Variants in PCM1 observed in about 807,000 individuals in gnomAD.
PCM1 encodes the protein pericentriolar material 1.
Under a neutral mutation model 241.9 loss-of-function variants are expected in PCM1, and 157 were observed. The observed-to-expected ratio is 0.65, with a 90% CI of 0.57 to 0.74. PCM1 has a LOEUF of 0.74. Ranked by LOEUF, PCM1 falls within the 30% of genes least tolerant of loss-of-function variation. The probability of loss-of-function intolerance (pLI) is 0.00; values close to 1 mark genes in which losing one functional copy is unlikely to be tolerated. For synonymous variants in PCM1, 1,085 were observed against 784.9 expected, an observed-to-expected ratio of 1.38 and a Z score of -6.39; for missense variants, 3,478 against 2,360.1, an observed-to-expected ratio of 1.47 and a Z score of -9.81.
intron 26 of PCM1, among the ~76,000 whole-genome samples, chr8:17,988,430 A>G (rs1301605877): frequency 1.3e-5 from 2 of 151,884 alleles, no homozygotes; most frequent in Non-Finnish European, 2.9e-5. Flanking sequence ...AAAGTCGTGT[A>G]AAAGCCAACA....
chr8:17,925,370 A>G (rs549770016), intron 2 of PCM1: 11 of 152,364 alleles, frequency 7.2e-5, no homozygotes, highest in African/African-American at 2.6e-4. Context: ...TAAGTTCACT[A>G]GGAGAAGTTC....
chr8:18,010,504 G>T (rs1163071075), intron 31 of PCM1, 105 bp from the exon 32 acceptor site: 11 of 764,354 alleles, frequency 1.4e-5, no homozygotes, highest in Non-Finnish European at 6.5e-6. Context: ...TACAGGCCAG[G>T]CTTAGGTCTA....
chr8:17,980,305 G>C (rs2080265233), intron 23 of PCM1: 1 of 232,866 alleles, frequency 4.3e-6, no homozygotes. Context: ...AATTCTAGTA[G>C]AGATTTGGGG....
rs937050029 is a variant in PCM1, at chr8:17,994,277, A to G, written c.4827+658A>G. ...TTAGCTCCCACAAGTAAGTGAGAAC[A>G]TATGAAGTTTGTCTTTCTGTGCCTG... On this transcript the variant is annotated intron_variant, in intron 29 of 38. Coordinates refer to ENST00000325083, the MANE Select transcript of PCM1 (RefSeq NM_006197.4). Among the ~76,000 whole-genome samples the G allele has an allele frequency of 2.6e-5, 4 of 152,340 alleles. No homozygotes were observed. In the East Asian group the frequency reaches 7.7e-4, roughly 29 times the overall value.
chr8:17,955,484 A>C lies in PCM1; in HGVS notation c.1303A>C (p.Ser435Arg). 6.2e-7 allele frequency: 1 copy of C among 1,607,096 alleles called. No homozygotes were observed. The highest frequency in any genetic ancestry group is 8.5e-7 in the Non-Finnish European group (1 of 1,177,160). ...GCCTTCTTCAGCCTCTCCACAAAGG[A>C]GTGTCGATCAGAGAAGTACTTCAGC... ...LNNSSSSPQR[S>R]VDQRSTSAPS... Residue 435 changes from serine to arginine, a missense_variant, in exon 10 of 39, where the codon AGT becomes CGT. Coordinates refer to ENST00000325083, the MANE Select transcript of PCM1 (RefSeq NM_006197.4).
chr8:17,943,086 G>T lies in PCM1; in HGVS notation c.783+3225G>T, dbSNP rs1007347493. Among the ~76,000 whole-genome samples, 28 of 151,524 alleles carry T rather than the reference G, an allele frequency of 1.8e-4. 1 individual carries two copies. The highest frequency in any genetic ancestry group is 1.5e-3 in the Admixed American group (23 of 15,204). On this transcript the variant is annotated intron_variant, in intron 6 of 38. Coordinates refer to ENST00000325083, the MANE Select transcript of PCM1 (RefSeq NM_006197.4). ...GGAGCAAAGTACTATTTTAGTAATT[G>T]AGTATAGGTAAGACTAATTTCATAT...
In PCM1 at chr8:17,960,182, G is replaced by T. The variant is rs769918146; in HGVS notation, c.2192+17G>T. On this transcript the variant is annotated intron_variant, in intron 14 of 38. Transcript: ENST00000325083. ...AAAGGCAAGGTATGTTAAGCTTTTG[G>T]CCTTCATTTAATATAATAAAAATTT... 8 of 1,554,998 alleles carry T rather than the reference G, an allele frequency of 5.1e-6. 1 individual carries two copies. In the South Asian group the frequency reaches 7.2e-5, roughly 14 times the overall value.
chr8:17,937,014 G>C (rs2060622005), intron 3 of PCM1, 120 bp from the exon 4 acceptor site: 1 of 717,136 alleles, frequency 1.4e-6, no homozygotes, highest in African/African-American at 1.8e-5. Flanking sequence ...AGGAGTATAA[G>C]TCTGTCAAAA....
At chr8:18,023,515 G>A (rs1411800487) in intron 36 of PCM1, among the ~76,000 whole-genome samples, 2 of 152,208 alleles carry the variant, frequency 1.3e-5, no homozygotes, top group African/African-American at 4.8e-5. Context: ...TGGAACTCCA[G>A]TAGAAGTTTA....
intron 27 of PCM1, among the ~76,000 whole-genome samples, chr8:17,990,782 T>A (rs753297548): frequency 7.9e-5 from 12 of 152,174 alleles, no homozygotes; most frequent in Admixed American, 2.0e-4. Context: ...ATTTTTCCAC[T>A]ATAAAGAAAA....
chr8:17,995,368 G>C (rs996955010), intron 29 of PCM1, among the ~76,000 whole-genome samples: 2 of 151,124 alleles, frequency 1.3e-5, no homozygotes, highest in Non-Finnish European at 2.9e-5. Flanking sequence ...TGGGTTCTCT[G>C]TTCTGTTCTA....
intron 2 of PCM1, among the ~76,000 whole-genome samples, chr8:17,930,135 G>T (rs1303488266): frequency 1.5e-5 from 2 of 132,734 alleles, no homozygotes. Flanking sequence ...ACAGAGTCTC[G>T]CTCTTCCGCC....
At chr8:17,992,753 A>G (rs2085202366) in intron 28 of PCM1, among the ~76,000 whole-genome samples, 1 of 151,746 alleles carries the variant, frequency 6.6e-6, no homozygotes, top group Non-Finnish European at 1.5e-5. Context: ...AGTAGCAGGC[A>G]TTGTAGGCAT....
At chr8:17,929,793 A>G (rs1207181435) in intron 2 of PCM1, among the ~76,000 whole-genome samples, 1 of 152,188 alleles carries the variant, frequency 6.6e-6, no homozygotes, top group Non-Finnish European at 1.5e-5. Context: ...TCCTGTATGT[A>G]TGTAACTGTG....
In PCM1 at chr8:18,009,414, T is replaced by C. The variant is rs542592590; in HGVS notation, c.4963-133T>C. The C allele has an allele frequency of 1.5e-4, 97 of 631,614 alleles. 2 individuals are homozygous for C. In the South Asian group the frequency reaches 1.9e-3, roughly 13 times the overall value. 39.1% of individuals were successfully genotyped at this position (631,614 alleles called of 1,614,324 possible). A position where few individuals can be genotyped will look rare whatever the true frequency, so the allele number is the denominator to read the frequency against. ...CACTTAGTAATATAGCAGTATTCTT[T>C]AGTAATACTAACAACCTATCTTTCC... On this transcript the variant is annotated intron_variant, in intron 30 of 38. Transcript: ENST00000325083.
chr8:17,991,507 T>G (rs141440349), intron 27 of PCM1, 35 bp from the exon 28 acceptor site: 33 of 1,537,996 alleles, frequency 2.1e-5, no homozygotes, highest in Non-Finnish European at 2.7e-5. Flanking sequence ...AGTTCACTTT[T>G]ACATACTCAA....
chr8:17,930,962 G>T (rs944398517), intron 2 of PCM1, among the ~76,000 whole-genome samples: 13 of 151,914 alleles, frequency 8.6e-5, no homozygotes, highest in African/African-American at 3.1e-4. Flanking sequence ...GCATACTAAT[G>T]CTGTGCCTTT....
At chr8:18,006,446 GT>G (rs771233605) in intron 30 of PCM1, 49 bp downstream of exon 30, 22 of 1,358,168 alleles carry the variant, frequency 1.6e-5, no homozygotes, top group East Asian at 9.4e-5. Context: ...GTGTGGTAAG[GT>G]TTTTTTTCGG....
At chr8:17,927,430 T>G (rs1191705333) in intron 2 of PCM1, 2 of 151,772 alleles carry the variant, frequency 1.3e-5, no homozygotes, top group East Asian at 3.9e-4. Flanking sequence ...ATTTGATTAC[T>G]TTGAATTTCT....
Sources: allele counts gnomAD v4.1 joint callset (sites outside exome capture counted in the v4.1 genomes callset), GRCh38; gene constraint gnomAD v4.1.1; transcripts MANE v1.5; gene names NCBI Gene and HGNC (gene_info 2026-07-23, HGNC 2026-07-21).